NCAM2: variants seen among roughly 807,000 people sequenced by gnomAD.
NCAM2 encodes N-CAM-2.
NCAM2 carries 30 observed loss-of-function variants against 98.1 expected under a neutral mutation model. That is an observed-to-expected ratio of 0.31 (90% CI 0.23 to 0.41). The LOEUF (loss-of-function observed/expected upper bound fraction) is 0.41. NCAM2 is among the 10% of genes least tolerant of loss of function. The probability of loss-of-function intolerance (pLI) is 1.00; values close to 1 mark genes in which losing one functional copy is unlikely to be tolerated. For synonymous variants in NCAM2, 368 were observed against 342.4 expected (o/e 1.07, Z -0.83); for missense variants, 867 against 1,005.8 (o/e 0.86, Z 1.87).
Position 21,049,958 on chromosome 21 carries a change from G to A in NCAM2, c.55+51340G>A, listed in dbSNP as rs759593039. 4.4e-4 allele frequency among the ~76,000 whole-genome samples: 67 copies of A among 152,072 alleles called. 1 individual carries two copies. The highest frequency in any genetic ancestry group is 2.0e-3 in the Admixed American group (31 of 15,270). On this transcript the variant is annotated intron_variant, in intron 1 of 17. Coordinates refer to ENST00000400546, the MANE Select transcript of NCAM2 (RefSeq NM_004540.5). The stretch of plus-strand genomic sequence containing the variant: ...AATAGTATAAAGTGGAAATGTTATT[G>A]TTGGGTTAGGAGCATTTGAAGATAG...
chr21:21,205,614 A>G lies in NCAM2; in HGVS notation c.56-74964A>G, dbSNP rs371037023. Among the ~76,000 whole-genome samples, 7 of 152,210 alleles carry G rather than the reference A, an allele frequency of 4.6e-5. No individual in the cohort carries two copies. In the East Asian group the frequency reaches 7.7e-4, roughly 17 times the overall value. ...GTGTTTATATAGTTGACTATTTAGA[A>G]GAAATATCCAGGATCTTTAATTTTT... is the stretch of plus-strand genomic sequence containing the variant. On this transcript the variant is annotated intron_variant, in intron 1 of 17. Coordinates refer to ENST00000400546, the MANE Select transcript of NCAM2 (RefSeq NM_004540.5).
chr21:21,396,905 G>A (rs189056631), intron 9 of NCAM2, among the ~76,000 whole-genome samples: 34 of 152,264 alleles, frequency 2.2e-4, no homozygotes, highest in African/African-American at 6.7e-4. Flanking sequence ...TGCCTGCAAC[G>A]TGGCAAGTAG....
At chr21:21,264,666 TACAC>T (rs1051676896) in intron 1 of NCAM2, among the ~76,000 whole-genome samples, 133 of 149,582 alleles carry the variant, frequency 8.9e-4, no homozygotes, top group Middle Eastern at 3.5e-3. Context: ...TATATATATA[TACAC>T]ACACACACAT....
intron 1 of NCAM2, among the ~76,000 whole-genome samples, chr21:21,004,875 G>A (rs1256420479): frequency 6.6e-6 from 1 of 152,092 alleles, no homozygotes; most frequent in Non-Finnish European, 1.5e-5. Flanking sequence ...CATGTCCAAA[G>A]CCTAGCCTCT....
At chr21:21,045,077 AT>A (rs542707315) in intron 1 of NCAM2, among the ~76,000 whole-genome samples, 123 of 152,296 alleles carry the variant, frequency 8.1e-4, no homozygotes, top group African/African-American at 2.9e-3. Flanking sequence ...AAGAATAAAA[AT>A]CATCCAGTTT....
chr21:21,396,111 A>G (rs529920157), intron 9 of NCAM2, among the ~76,000 whole-genome samples: 4 of 152,170 alleles, frequency 2.6e-5, no homozygotes, highest in African/African-American at 7.2e-5. Flanking sequence ...CAAACTGTGC[A>G]TCCGACAAAG....
chr21:21,032,483 T>C (rs145089183), intron 1 of NCAM2, among the ~76,000 whole-genome samples: 1 of 152,284 alleles, frequency 6.6e-6, no homozygotes, highest in African/African-American at 2.4e-5. Context: ...CCAGCAAATG[T>C]TATTGTAATT....
At chr21:21,269,387 A>G (rs1185879266) in intron 1 of NCAM2, among the ~76,000 whole-genome samples, 1 of 152,192 alleles carries the variant, frequency 6.6e-6, no homozygotes, top group African/African-American at 2.4e-5. Flanking sequence ...ACTTCATAGC[A>G]GTTCAAACAC....
rs1982062498 is a variant in NCAM2, at chr21:21,455,816, C to T, written c.1655-10790C>T. 2.0e-5 allele frequency among the ~76,000 whole-genome samples: 3 copies of T among 151,684 alleles called. No individual in the cohort carries two copies. The South Asian group carries it at 6.2e-4, about 32-fold the overall frequency. ...AAGAAACATAAATGTTTCCAAATAT[C>T]TAGAGAGATTAGAAGGTTTTTATGG... On this transcript the variant is annotated intron_variant, in intron 12 of 17. Coordinates refer to ENST00000400546, the MANE Select transcript of NCAM2 (RefSeq NM_004540.5).
At chr21:21,007,575 CT>C (rs1568920760) in intron 1 of NCAM2, among the ~76,000 whole-genome samples, 1 of 152,086 alleles carries the variant, frequency 6.6e-6, no homozygotes, top group Admixed American at 6.6e-5. Flanking sequence ...GGTGCCTCTC[CT>C]TTTTAGATGA....
Position 21,284,592 on chromosome 21 carries a change from A to G in NCAM2, c.337+192A>G, listed in dbSNP as rs537655463. 5.3e-5 allele frequency among the ~76,000 whole-genome samples: 8 copies of G among 151,838 alleles called. 1 individual carries two copies. The South Asian group carries it at 1.4e-3, about 28-fold the overall frequency. On this transcript the variant is annotated intron_variant, in intron 3 of 17. Transcript: ENST00000400546. ...ATAATAAGTGGTTATAAACATATAT[A>G]GGGCATCAATTATATTAAATAATAT... is the stretch of plus-strand genomic sequence containing the variant.
chr21:21,480,389 A>T (rs183500), intron 15 of NCAM2, among the ~76,000 whole-genome samples: 1 of 148,274 alleles, frequency 6.7e-6, no homozygotes, highest in Non-Finnish European at 1.5e-5. Flanking sequence ...AAAAAAAAAG[A>T]ATAACTGCAA....
chr21:21,340,447 T>C (rs1011654915), intron 8 of NCAM2, among the ~76,000 whole-genome samples: 2 of 151,966 alleles, frequency 1.3e-5, no homozygotes, highest in African/African-American at 4.8e-5. Context: ...ACACAGATAC[T>C]TATTCTGTAG....
In NCAM2 at chr21:21,053,494, T is replaced by G. The variant is rs894096417; in HGVS notation, c.55+54876T>G. Among the ~76,000 whole-genome samples, 10 of 151,796 alleles carry G rather than the reference T, an allele frequency of 6.6e-5. 1 individual carries two copies. The highest frequency in any genetic ancestry group is 5.9e-4 in the Admixed American group (9 of 15,268). On this transcript the variant is annotated intron_variant, in intron 1 of 17. Transcript: ENST00000400546. Reference sequence around the variant, plus strand: ...TTTTTGTGTGTTGTCTTTGTTTTGGTTTTTTGGAACTCTGAAGGTCAACTT... The same window carrying G: ...TTTTTGTGTGTTGTCTTTGTTTTGGGTTTTTGGAACTCTGAAGGTCAACTT...
chr21:21,330,810 C>T (rs2074654028), intron 6 of NCAM2, among the ~76,000 whole-genome samples: 1 of 151,936 alleles, frequency 6.6e-6, no homozygotes, highest in Non-Finnish European at 1.5e-5. Context: ...AAAAATGATA[C>T]CATATAGAAC....
At chr21:21,051,664 C>G (rs1430239881) in intron 1 of NCAM2, among the ~76,000 whole-genome samples, 1 of 152,176 alleles carries the variant, frequency 6.6e-6, no homozygotes, top group Non-Finnish European at 1.5e-5. Flanking sequence ...AGGCTCATGG[C>G]AAACAGTGTT....
chr21:21,527,113 ATT>A (rs34914462), intron 16 of NCAM2, among the ~76,000 whole-genome samples: 1,702 of 140,792 alleles, frequency 0.012, 31 homozygotes, highest in African/African-American at 0.038. Context: ...TGAAAGAAAG[ATT>A]TTTTTTTTTT....
chr21:21,328,031 T>C (rs2147815980), intron 6 of NCAM2, among the ~76,000 whole-genome samples: 1 of 152,294 alleles, frequency 6.6e-6, no homozygotes, highest in East Asian at 1.9e-4. Flanking sequence ...ATAAATTTAA[T>C]TTATTTTAAA....
At chr21:21,057,132 T>G (rs2065228267) in intron 1 of NCAM2, among the ~76,000 whole-genome samples, 1 of 152,074 alleles carries the variant, frequency 6.6e-6, no homozygotes, top group South Asian at 2.1e-4. Context: ...TAAAACCAAA[T>G]TTAAAGGCTC....
Sources: gnomAD v4.1 joint callset for allele counts (sites outside exome capture counted in the v4.1 genomes callset) on GRCh38, gnomAD v4.1.1 for gene constraint, MANE v1.5 for transcripts, NCBI Gene and HGNC (gene_info 2026-07-23, HGNC 2026-07-21) for gene names.